The following ANK1 variants were observed in gnomAD, a reference collection of about 807,000 sequenced individuals.
The protein encoded by ANK1 is ankyrin 1.
In ANK1, 51 loss-of-function variants were observed where a neutral mutation model predicts 210.4. That is an observed-to-expected ratio of 0.24 (90% CI 0.19 to 0.31). ANK1 has a LOEUF of 0.31. ANK1 is among the 10% of genes least tolerant of loss of function. The pLI is 1.00. For synonymous variants in ANK1, 967 were observed against 1,025.9 expected, an observed-to-expected ratio of 0.94 and a Z score of 1.10; for missense variants, 2,051 against 2,504.4, an observed-to-expected ratio of 0.82 and a Z score of 3.86.
chr8:41,791,834 G>A lies in ANK1; in HGVS notation c.27+5678C>T, dbSNP rs545771902. 2.0e-4 allele frequency among the ~76,000 whole-genome samples: 30 copies of A among 152,286 alleles called. No individual in the cohort carries two copies. The South Asian group carries it at 5.2e-3, about 26-fold the overall frequency. Reference sequence around the variant, plus strand: ...TGGGGGAGGGCCACAGAGGCTCCCCGCTGCCTTCCAGACACCATGGGGGGC... The same window carrying A: ...TGGGGGAGGGCCACAGAGGCTCCCCACTGCCTTCCAGACACCATGGGGGGC... On this transcript the variant is annotated intron_variant, in intron 1 of 42. Transcript: ENST00000289734.
intron 2 of ANK1, among the ~76,000 whole-genome samples, chr8:41,744,917 T>C (rs1055578220): frequency 6.6e-6 from 1 of 152,158 alleles, no homozygotes; most frequent in African/African-American, 2.4e-5. Flanking sequence ...AGGCTCAAAC[T>C]ACAGCATGGA....
At chr8:41,811,978 G>A (rs765665184) in intron 1 of ANK1, among the ~76,000 whole-genome samples, 1 of 152,206 alleles carries the variant, frequency 6.6e-6, no homozygotes, top group African/African-American at 2.4e-5. Context: ...CTCCCTGAGA[G>A]TTAAATGAAG....
chr8:41,761,027 T>C (rs1002551028), intron 1 of ANK1, among the ~76,000 whole-genome samples: 2 of 152,096 alleles, frequency 1.3e-5, no homozygotes, highest in Non-Finnish European at 2.9e-5. Flanking sequence ...AATTAAGTCA[T>C]GGATCTTGAG....
At chr8:41,826,349 C>T (rs1048866086) in intron 1 of ANK1, among the ~76,000 whole-genome samples, 1 of 152,134 alleles carries the variant, frequency 6.6e-6, no homozygotes, top group Non-Finnish European at 1.5e-5. Context: ...GCTCTGCCAC[C>T]TTGATGTAAC....
intron 9 of ANK1, among the ~76,000 whole-genome samples, chr8:41,721,227 C>G (rs1056649315): frequency 6.6e-6 from 1 of 152,120 alleles, no homozygotes; most frequent in African/African-American, 2.4e-5. Flanking sequence ...GGCACCTGCA[C>G]AGCAGGAAAA....
intron 1 of ANK1, among the ~76,000 whole-genome samples, chr8:41,809,238 A>G (rs779042386): frequency 6.6e-6 from 1 of 152,234 alleles, no homozygotes; most frequent in African/African-American, 2.4e-5. Context: ...GCCAAGATTT[A>G]TTTAGCTAAT....
intron 1 of ANK1, among the ~76,000 whole-genome samples, chr8:41,808,369 A>T (rs1851273790): frequency 6.6e-6 from 1 of 152,158 alleles, no homozygotes; most frequent in Non-Finnish European, 1.5e-5. Flanking sequence ...GGGACATGCC[A>T]CTTACCTGTT....
intron 1 of ANK1, among the ~76,000 whole-genome samples, chr8:41,831,041 C>T (rs1480495162): frequency 6.6e-6 from 1 of 152,156 alleles, no homozygotes; most frequent in East Asian, 1.9e-4. Context: ...TGAGAATAAG[C>T]TTGCAGCAAC....
chr8:41,774,565 C>T (rs931078605), intron 1 of ANK1, among the ~76,000 whole-genome samples: 5 of 152,262 alleles, frequency 3.3e-5, no homozygotes, highest in African/African-American at 1.2e-4. Context: ...CCCATCCTTT[C>T]CCCACAATCT....
intron 2 of ANK1, among the ~76,000 whole-genome samples, chr8:41,749,080 T>A (rs1273901798): frequency 1.3e-5 from 2 of 151,670 alleles, no homozygotes; most frequent in African/African-American, 4.8e-5. Context: ...GACAAAAACA[T>A]CTCCTGTACT....
intron 9 of ANK1, among the ~76,000 whole-genome samples, chr8:41,721,604 T>TAG (rs1283930956): frequency 7.3e-6 from 1 of 137,700 alleles, no homozygotes; most frequent in Non-Finnish European, 1.5e-5. Context: ...TTGCAGTGAG[T>TAG]AGAGATCACA....
At chr8:41,895,857 C>G (rs1325095206) in intron 1 of ANK1, among the ~76,000 whole-genome samples, 1 of 152,176 alleles carries the variant, frequency 6.6e-6, no homozygotes, top group East Asian at 1.9e-4. Context: ...GAAAGACGCT[C>G]TCTTCGTCAG....
At chr8:41,779,466 A>T (rs1265730240) in intron 1 of ANK1, among the ~76,000 whole-genome samples, 1 of 151,760 alleles carries the variant, frequency 6.6e-6, no homozygotes, top group East Asian at 1.9e-4. Flanking sequence ...GTTGCCTAGG[A>T]TGGTCTCAAA....
intron 16 of ANK1, among the ~76,000 whole-genome samples, chr8:41,711,366 A>C (rs1477152834): frequency 6.6e-6 from 1 of 152,240 alleles, no homozygotes; most frequent in African/African-American, 2.4e-5. Flanking sequence ...GAAGGAAGGG[A>C]GGTTGGACAC....
In ANK1 at chr8:41,703,948, A is replaced by G. The variant is rs1483394837; in HGVS notation, c.2295+93T>C. On this transcript the variant is annotated intron_variant, in intron 20 of 42. Transcript: ENST00000289734. ...TGCTGCGGCCCCGTCCAGGCCCTAG[A>G]CACGTGCATTAACCTCTACGGTTAG... The G allele has an allele frequency of 2.5e-6, 3 of 1,212,372 alleles. No individual in the cohort carries two copies. In the African/African-American group the frequency reaches 4.5e-5, roughly 18 times the overall value. The allele number at this position is 1,212,372 out of a possible 1,614,324, so 75.1% of individuals were successfully genotyped here. A position where few individuals can be genotyped will look rare whatever the true frequency, so the allele number is the denominator to read the frequency against.
chr8:41,867,593 A>G (rs1814711404), intron 1 of ANK1, among the ~76,000 whole-genome samples: 1 of 151,972 alleles, frequency 6.6e-6, no homozygotes, highest in Non-Finnish European at 1.5e-5. Context: ...CCCTCTGCCC[A>G]CCACATCCTT....
Position 41,727,269 on chromosome 8 carries a change from T to C in ANK1, c.407A>G (p.Asn136Ser). The C allele has an allele frequency of 6.2e-7, 1 of 1,614,140 alleles. No individual in the cohort carries two copies. The highest frequency in any genetic ancestry group is 8.5e-7 in the Non-Finnish European group (1 of 1,179,962). Residue 136 changes from asparagine to serine, a missense_variant, in exon 5 of 43, where the codon AAC (asparagine) becomes AGC (serine). This residue lies in a region of ANK1 where 10 missense variants were observed against 36.2 expected (regional missense o/e 0.28). Coordinates refer to ENST00000289734, the MANE Select transcript of ANK1 (RefSeq NM_000037.4). The part of the protein sequence containing the change: ...VVKFLLENGA[N>S]QNVATEDGFT... ...ACTTACTTCTGTGGCTACATTCTGG[T>C]TAGCTCCATTTTCCAGTAAAAACTT...
intron 1 of ANK1, among the ~76,000 whole-genome samples, chr8:41,863,804 C>T (rs1186936067): frequency 6.6e-6 from 1 of 152,180 alleles, no homozygotes; most frequent in Non-Finnish European, 1.5e-5. Context: ...GCTCCCCTAC[C>T]TCCCACAATA....
chr8:41,748,312 C>T (rs185327493), intron 2 of ANK1, among the ~76,000 whole-genome samples: 524 of 152,272 alleles, frequency 3.4e-3, no homozygotes, highest in African/African-American at 0.011. Context: ...TGTGTGTTTT[C>T]GGGGTGCAGC....
Sources: allele counts gnomAD v4.1 joint callset (sites outside exome capture counted in the v4.1 genomes callset), GRCh38; gene constraint gnomAD v4.1.1; regional missense constraint gnomAD v4.1.1; transcripts MANE v1.5; gene names NCBI Gene and HGNC (gene_info 2026-07-23, HGNC 2026-07-21).